NEFL: variants seen among roughly 807,000 people sequenced by gnomAD.
The protein encoded by NEFL is neurofilament light chain.
Under a neutral mutation model 51.6 loss-of-function variants are expected in NEFL, and 36 were observed. That is an observed-to-expected ratio of 0.70 (90% confidence interval 0.53 to 0.92). NEFL has a LOEUF of 0.92. NEFL is among the 40% of genes least tolerant of loss of function. The pLI is 0.00. For missense variants in NEFL, 671 were observed against 722.0 expected, an observed-to-expected ratio of 0.93 and a Z score of 0.81; for synonymous variants, 332 against 302.5, an observed-to-expected ratio of 1.10 and a Z score of -1.01.
chr8:24,953,337 T>A (rs572397616), intron 3 of NEFL, 139 bp downstream of exon 3: 2 of 1,493,172 alleles, frequency 1.3e-6, no homozygotes, highest in African/African-American at 2.8e-5. Flanking sequence ...AAAGTTTTGC[T>A]AAACAAACAG....
In NEFL at chr8:24,953,593, T is replaced by C. The variant is rs748288045; in HGVS notation, c.1372A>G (p.Ile458Val). Residue 458 changes from isoleucine to valine, a missense_variant, in exon 3 of 4, where the codon ATT becomes GTT. Coordinates refer to ENST00000610854, the MANE Select transcript of NEFL (RefSeq NM_006158.5). ...GCTTCCTCAGCCTTGGCAGCCTCAA[T>C]GGTTTCCTCCACTTCGATCTGCTCC... ...QEEQIEVEET[I>V]EAAKAEEAKD... The C allele has an allele frequency of 1.9e-6, 3 of 1,614,028 alleles. No homozygotes were observed. Among genetic ancestry groups the C allele is most frequent in the Admixed American group, 3.3e-5 (2 of 60,024 alleles).
In NEFL at chr8:24,955,612, TGGC is replaced by T. The variant is rs765310700; in HGVS notation, c.901_903del (p.Ala301del). 4 of 1,613,692 alleles carry T rather than the reference TGGC, an allele frequency of 2.5e-6. No homozygotes were observed. The highest frequency in any genetic ancestry group is 3.4e-6 in the Non-Finnish European group (4 of 1,179,878). On this transcript the variant is annotated inframe_deletion, in exon 1 of 4. Coordinates refer to ENST00000610854, the MANE Select transcript of NEFL (RefSeq NM_006158.5). The surrounding 1 kb of genome is among the most constrained non-coding windows in gnomAD (Gnocchi z 4.0). ...CGACGGCTCTCGGACACCTCGTCCTTGGCGGCGCGCACGGCGTCGGTGTTCTTG... is the reference window on the plus strand; with the variant it reads ...CGACGGCTCTCGGACACCTCGTCCTTGGCGCGCACGGCGTCGGTGTTCTTG...
chr8:24,956,449 G>T lies in NEFL; in HGVS notation c.67C>A (p.Arg23=). 2 of 1,604,172 alleles carry T rather than the reference G, an allele frequency of 1.2e-6. No individual in the cohort carries two copies. The highest frequency in any genetic ancestry group is 1.3e-5 in the African/African-American group (1 of 74,904). ...SYKRRYVETP[R]VHISSVRSGY... ...CTGCGCACGCTGGAGATGTGCACCCGGGGCGTCTCCACGTAGCGCCGCTTG... is the reference window on the plus strand; with the variant it reads ...CTGCGCACGCTGGAGATGTGCACCCTGGGCGTCTCCACGTAGCGCCGCTTG... The change falls in exon 1 of 4, where the codon CGG becomes AGG. Residue 23 remains arginine, a synonymous_variant. Transcript: ENST00000610854. The surrounding 1 kb of genome is among the most constrained non-coding windows in gnomAD (Gnocchi z 5.9).
At chr8:24,954,053 C>A (rs1803007744) in intron 2 of NEFL, 128 bp downstream of exon 2, 1 of 1,435,494 alleles carries the variant, frequency 7.0e-7, no homozygotes, top group Non-Finnish European at 9.6e-7. Flanking sequence ...TTGGAAGAAG[C>A]CAAAAACTAA....
At position 24,955,508 on chromosome 8, in the gene NEFL, C is replaced by T. The variant is rs1195564041; in HGVS notation, c.1008G>A (p.Leu336=). ...NEALEKQLQE[L]EDKQNADISA... ...TGATGTCGGCGTTCTGCTTGTCCTC[C>T]AGCTCCTGCAGCTGCTTCTCCAGCG... Residue 336 remains leucine, a synonymous_variant, in exon 1 of 4, where the codon CTG becomes CTA. Coordinates refer to ENST00000610854, the MANE Select transcript of NEFL (RefSeq NM_006158.5). The surrounding 1 kb of genome is among the most constrained non-coding windows in gnomAD (Gnocchi z 4.0). The T allele has an allele frequency of 6.2e-7, 1 of 1,612,240 alleles. No homozygotes were observed. The highest frequency in any genetic ancestry group is 1.1e-5 in the South Asian group (1 of 91,054).
In NEFL at chr8:24,955,959, T is replaced by C. The variant is rs1434267863; in HGVS notation, c.557A>G (p.Glu186Gly). ...TTCCATCAGCCGGCCCTCGGCGTCC[T>C]CGCGGCTCAGCACCTCCTCTTCATA... ...ARYEEEVLSREDAEGRLMEAR... is the reference protein window; with the variant it reads ...ARYEEEVLSRGDAEGRLMEAR... The change falls in exon 1 of 4, where the codon GAG (glutamate) becomes GGG (glycine). Residue 186 changes from glutamate to glycine, a missense_variant. By Grantham distance (98) the Glu-to-Gly change is moderately conservative. Transcript: ENST00000610854. The surrounding 1 kb of genome is among the most constrained non-coding windows in gnomAD (Gnocchi z 4.0). 6.2e-7 allele frequency: 1 copy of C among 1,602,732 alleles called. No individual in the cohort carries two copies. Among genetic ancestry groups the C allele is most frequent in the East Asian group, 2.2e-5 (1 of 44,822 alleles).
Position 24,955,432 on chromosome 8 carries a change from T to G in NEFL, c.1044+40A>C. On this transcript the variant is annotated intron_variant, in intron 1 of 3. Transcript: ENST00000610854. This position sits in a 1 kb window ranked among gnomAD's most constrained non-coding sequence, Gnocchi z 4.0. ...TGGGCGCACCAACTCCCCCCCTTGC[T>G]CGAGTCCCCCGCCCCCCTGTGTTTC... 58 of 576,020 alleles carry G rather than the reference T, an allele frequency of 1.0e-4. No homozygotes were observed. The highest frequency in any genetic ancestry group is 1.4e-4 in the Non-Finnish European group (48 of 340,818). 35.7% of individuals were successfully genotyped at this position (576,020 alleles called of 1,614,324 possible). A position where few individuals can be genotyped will look rare whatever the true frequency, so the allele number is the denominator to read the frequency against.
Position 24,955,420 on chromosome 8 carries a change from T to TCCCCCCCCTCCTCCACTCCCCC in NEFL, c.1044+51_1044+52insGGGGGAGTGGAGGAGGGGGGGG. ...GTCTCCACTTTCTGGGCGCACCAAC[T>TCCCCCCCCTCCTCCACTCCCCC]CCCCCCCTTGCTCGAGTCCCCCGCC... On this transcript the variant is annotated intron_variant, in intron 1 of 3. Coordinates refer to ENST00000610854, the MANE Select transcript of NEFL (RefSeq NM_006158.5). This position sits in a 1 kb window ranked among gnomAD's most constrained non-coding sequence, Gnocchi z 4.0. 1.0e-6 allele frequency: 1 copy of TCCCCCCCCTCCTCCACTCCCCC among 966,284 alleles called. No homozygotes were observed. The highest frequency in any genetic ancestry group is 2.7e-5 in the East Asian group (1 of 37,224). The allele number at this position is 966,284 out of a possible 1,614,324, so 59.9% of individuals were successfully genotyped here.
rs566546059 is a variant in NEFL at position 24,951,168 on chromosome 8, A to G, written c.*1642T>C. The G allele has an allele frequency of 8.0e-4, 122 of 152,572 alleles. No homozygotes were observed. Among genetic ancestry groups the G allele is most frequent in the Non-Finnish European group, 2.1e-4 (14 of 68,030 alleles). 9.5% of individuals were successfully genotyped at this position (152,572 alleles called of 1,614,324 possible). A position where few individuals can be genotyped will look rare whatever the true frequency, so the allele number is the denominator to read the frequency against. On this transcript the variant is annotated 3_prime_UTR_variant, in exon 4 of 4. Transcript: ENST00000610854. ...AGTTTTGTTTCTGAGGAGACGCCTCATCTTTACAGAAGCCAATACACTGAG... is the reference window on the plus strand; with the variant it reads ...AGTTTTGTTTCTGAGGAGACGCCTCGTCTTTACAGAAGCCAATACACTGAG...
chr8:24,956,598 T>A lies in NEFL; in HGVS notation c.-83A>T. The A allele has an allele frequency of 1.6e-6, 2 of 1,250,942 alleles. No homozygotes were observed. Among genetic ancestry groups the A allele is most frequent in the Non-Finnish European group, 2.3e-6 (2 of 876,290 alleles). 77.5% of individuals were successfully genotyped at this position (1,250,942 alleles called of 1,614,324 possible). A position where few individuals can be genotyped will look rare whatever the true frequency, so the allele number is the denominator to read the frequency against. On this transcript the variant is annotated 5_prime_UTR_variant, in exon 1 of 4. Transcript: ENST00000610854. This position sits in a 1 kb window ranked among gnomAD's most constrained non-coding sequence, Gnocchi z 5.9. ...CAGGGGAGAGAGGGAAGGGGGAGGA[T>A]GGATGGCTGTGTGCGGCTCGGCGCC...
At position 24,955,961 on chromosome 8, in the gene NEFL, G is replaced by T; in HGVS notation, c.555C>A (p.Arg185=). The T allele has an allele frequency of 6.2e-7, 1 of 1,602,718 alleles. No homozygotes were observed. Reference sequence around the variant, plus strand: ...CCATCAGCCGGCCCTCGGCGTCCTCGCGGCTCAGCACCTCCTCTTCATAGC... The same window carrying T: ...CCATCAGCCGGCCCTCGGCGTCCTCTCGGCTCAGCACCTCCTCTTCATAGC... ...QARYEEEVLS[R]EDAEGRLMEA... Residue 185 remains arginine, a synonymous_variant, in exon 1 of 4, where the codon CGC becomes CGA. Coordinates refer to ENST00000610854, the MANE Select transcript of NEFL (RefSeq NM_006158.5). This position sits in a 1 kb window ranked among gnomAD's most constrained non-coding sequence, Gnocchi z 4.0.
Position 24,956,108 on chromosome 8 carries a change from C to G in NEFL, c.408G>C (p.Arg136=), listed in dbSNP as rs2117255306. 6.2e-7 allele frequency: 1 copy of G among 1,607,484 alleles called. No individual in the cohort carries two copies. The highest frequency in any genetic ancestry group is 1.1e-5 in the South Asian group (1 of 90,362). The part of the protein sequence containing the change: ...RQKHSEPSRF[R]ALYEQEIRDL... ...CGCGGATCTCCTGCTCGTACAGCGC[C>G]CGGAAGCGGGATGGCTCGGAGTGCT... Residue 136 remains arginine (R), a synonymous_variant, in exon 1 of 4, where the codon CGG becomes CGC. Coordinates refer to ENST00000610854, the MANE Select transcript of NEFL (RefSeq NM_006158.5). The surrounding 1 kb of genome is among the most constrained non-coding windows in gnomAD (Gnocchi z 5.9).
intron 3 of NEFL, 108 bp downstream of exon 3, chr8:24,953,365 CTAA>C: frequency 2.0e-6 from 3 of 1,522,164 alleles, no homozygotes; most frequent in Non-Finnish European, 2.6e-6. Context: ...ATTTATGATT[CTAA>C]TGTCATATAT....
rs764693486 is a variant in NEFL at position 24,955,644 on chromosome 8, G to T, written c.872C>A (p.Ala291Asp). The T allele has an allele frequency of 1.2e-6, 2 of 1,613,884 alleles. No homozygotes were observed. The highest frequency in any genetic ancestry group is 8.5e-7 in the Non-Finnish European group (1 of 1,179,894). Residue 291 changes from alanine to aspartate, a missense_variant, in exon 1 of 4, where the codon GCC (alanine) becomes GAC (aspartate). Physicochemically the swap from Ala to Asp is moderately radical, Grantham distance 126 (BLOSUM62 -2). Transcript: ENST00000610854. This position sits in a 1 kb window ranked among gnomAD's most constrained non-coding sequence, Gnocchi z 4.0. ...KSRFTVLTES[A>D]AKNTDAVRAA... ...GCGCACGGCGTCGGTGTTCTTGGCG[G>T]CGCTCTCGGTCAGCACGGTGAAGCG...
In NEFL at chr8:24,956,340, G is replaced by A; in HGVS notation, c.176C>T (p.Ser59Phe). Residue 59 changes from serine to phenylalanine, a missense_variant, in exon 1 of 4, where the codon TCC becomes TTC. Physicochemically the swap from Ser to Phe is radical, Grantham distance 155. Coordinates refer to ENST00000610854, the MANE Select transcript of NEFL (RefSeq NM_006158.5). The surrounding 1 kb of genome is among the most constrained non-coding windows in gnomAD (Gnocchi z 5.9). ...SSLSVRRSYS[S>F]SSGSLMPSLE... The stretch of plus-strand genomic sequence containing the variant: ...ACTGGGCATCAACGATCCAGAGCTG[G>A]AGGAGTAGCTGCGGCGCACGGACAG... The A allele has an allele frequency of 6.2e-7, 1 of 1,610,284 alleles. No homozygotes were observed. The highest frequency in any genetic ancestry group is 8.5e-7 in the Non-Finnish European group (1 of 1,178,400).
At chr8:24,953,880 G>A (rs1030977382) in intron 2 of NEFL, 85 bp from the exon 3 acceptor site, 4 of 1,470,886 alleles carry the variant, frequency 2.7e-6, no homozygotes, top group Non-Finnish European at 2.7e-6. Context: ...AGGCAAGCAG[G>A]AGCAGGGCTG....
rs1802970699 is a variant in NEFL at position 24,951,622 on chromosome 8, C to T, written c.*1188G>A. 1 of 152,562 alleles carries T rather than the reference C, an allele frequency of 6.6e-6. No homozygotes were observed. The highest frequency in any genetic ancestry group is 2.4e-5 in the African/African-American group (1 of 41,450). The allele number at this position is 152,562 out of a possible 1,614,324, so 9.5% of individuals were successfully genotyped here. ...GCATATTACCTCCCCCCTTAAGTGA[C>T]TCATAATTTCATTACTTGTGTCTGT... On this transcript the variant is annotated 3_prime_UTR_variant, in exon 4 of 4. Transcript: ENST00000610854.
In NEFL at chr8:24,956,229, T is replaced by A. The variant is rs868333696; in HGVS notation, c.287A>T (p.Asp96Val). ...IRTQEKAQLQ[D>V]LNDRFASFIE... The stretch of plus-strand genomic sequence containing the variant: ...GAAGCTGGCGAAGCGGTCATTGAGG[T>A]CCTGGAGCTGCGCCTTCTCCTGCGT... The change falls in exon 1 of 4, where the codon GAC (aspartate) becomes GTC (valine). Residue 96 changes from aspartate to valine, a missense_variant. Transcript: ENST00000610854. The surrounding 1 kb of genome is among the most constrained non-coding windows in gnomAD (Gnocchi z 5.9). 7 of 1,611,690 alleles carry A rather than the reference T, an allele frequency of 4.3e-6. No individual in the cohort carries two copies. In the Middle Eastern group the frequency reaches 1.2e-3, roughly 266 times the overall value.
rs1430281104 is a variant in NEFL at position 24,956,126 on chromosome 8, G to C, written c.390C>G (p.Ser130=). The change falls in exon 1 of 4, where the codon TCC becomes TCG. Residue 130 remains serine (S), a synonymous_variant. Coordinates refer to ENST00000610854, the MANE Select transcript of NEFL (RefSeq NM_006158.5). This position sits in a 1 kb window ranked among gnomAD's most constrained non-coding sequence, Gnocchi z 5.9. ...ACAGCGCCCGGAAGCGGGATGGCTC[G>C]GAGTGCTTCTGGCGCAGCACCAGCA... ...AELLVLRQKH[S]EPSRFRALYE... 12 of 1,608,606 alleles carry C rather than the reference G, an allele frequency of 7.5e-6. No homozygotes were observed. Among genetic ancestry groups the C allele is most frequent in the South Asian group, 3.3e-5 (3 of 90,344 alleles).
Sources: allele counts gnomAD v4.1 joint callset, GRCh38; gene constraint gnomAD v4.1.1; non-coding constraint Gnocchi (gnomAD v3.1); transcripts MANE v1.5; gene names NCBI Gene and HGNC (gene_info 2026-07-23, HGNC 2026-07-21).